Variants in PTGFR observed in about 807,000 individuals in gnomAD.
PTGFR encodes prostaglandin F receptor.
A neutral mutation model predicts 26.2 loss-of-function variants in PTGFR; 15 were observed. That is an observed-to-expected ratio of 0.57 (90% CI 0.38 to 0.88). The LOEUF (loss-of-function observed/expected upper bound fraction) is 0.88. PTGFR is among the 40% of genes least tolerant of loss of function. The probability of loss-of-function intolerance (pLI) is 0.00; values close to 1 mark genes in which losing one functional copy is unlikely to be tolerated. For synonymous variants in PTGFR, 165 were observed against 151.1 expected (o/e 1.09, Z -0.68); for missense variants, 369 against 427.2 (o/e 0.86, Z 1.20).
rs1650696685 is a variant in PTGFR, at chr1:78,537,857, A to G, written c.*1170A>G. On this transcript the variant is annotated 3_prime_UTR_variant, in exon 3 of 3. Coordinates refer to ENST00000370757, the MANE Select transcript of PTGFR (RefSeq NM_000959.4). Reference sequence around the variant, plus strand: ...TAATCTCTCCCCAAATTTTCCAATAATAATTGAGACTTTTTCTTTGCTTGT... The same window carrying G: ...TAATCTCTCCCCAAATTTTCCAATAGTAATTGAGACTTTTTCTTTGCTTGT... 1 of 152,132 alleles carries G rather than the reference A, an allele frequency of 6.6e-6. No individual in the cohort carries two copies. Among genetic ancestry groups the G allele is most frequent in the Non-Finnish European group, 1.5e-5 (1 of 68,006 alleles). The allele number at this position is 152,132 out of a possible 1,614,324, so 9.4% of individuals were successfully genotyped here. A position where few individuals can be genotyped will look rare whatever the true frequency, so the allele number is the denominator to read the frequency against.
chr1:78,527,601 C>G (rs553163050), intron 2 of PTGFR, among the ~76,000 whole-genome samples: 1 of 152,118 alleles, frequency 6.6e-6, no homozygotes, highest in Non-Finnish European at 1.5e-5. Flanking sequence ...CACATTAAAT[C>G]TGTCTTCTGT....
chr1:78,497,822 C>G (rs770560312), intron 2 of PTGFR: 2 of 1,255,334 alleles, frequency 1.6e-6, no homozygotes, highest in African/African-American at 3.0e-5. Context: ...CGCTATTAAA[C>G]TTCAGCTGTC....
intron 2 of PTGFR, among the ~76,000 whole-genome samples, chr1:78,500,331 A>G (rs1235712564): frequency 6.6e-6 from 1 of 152,228 alleles, no homozygotes; most frequent in Non-Finnish European, 1.5e-5. Context: ...AAAAAATCCG[A>G]CAGACCTTTT....
Position 78,493,180 on chromosome 1 carries a change from A to G in PTGFR, c.437A>G (p.Lys146Arg), listed in dbSNP as rs1216992893. The G allele has an allele frequency of 6.2e-7, 1 of 1,614,190 alleles. No individual in the cohort carries two copies. Among genetic ancestry groups the G allele is most frequent in the Admixed American group, 1.7e-5 (1 of 60,024 alleles). Residue 146 changes from lysine (K) to arginine (R), a missense_variant, in exon 2 of 3, where the codon AAA becomes AGA. Transcript: ENST00000370757. ...GVTKPIFHST[K>R]ITSKHVKMML... ...ACAAAACCAATATTTCATTCTACGA[A>G]AATTACATCCAAACATGTGAAAATG...
At chr1:78,501,561 C>A (rs1264658888) in intron 2 of PTGFR, among the ~76,000 whole-genome samples, 1 of 152,126 alleles carries the variant, frequency 6.6e-6, no homozygotes. Context: ...TCTCACTCCT[C>A]CTCAGCTATT....
chr1:78,520,250 A>G (rs1342139519), intron 2 of PTGFR, among the ~76,000 whole-genome samples: 2 of 152,132 alleles, frequency 1.3e-5, no homozygotes, highest in East Asian at 1.9e-4. Flanking sequence ...TTACTCGAAT[A>G]CAAATATATA....
intron 2 of PTGFR, among the ~76,000 whole-genome samples, chr1:78,521,348 T>C (rs1191960060): frequency 6.6e-6 from 1 of 152,174 alleles, no homozygotes; most frequent in Non-Finnish European, 1.5e-5. Flanking sequence ...CTTGTTCATC[T>C]GGTACATACG....
At chr1:78,523,340 T>C (rs1650292328) in intron 2 of PTGFR, among the ~76,000 whole-genome samples, 1 of 152,128 alleles carries the variant, frequency 6.6e-6, no homozygotes, top group African/African-American at 2.4e-5. Flanking sequence ...TTCCTCTTAG[T>C]CCCAGAAATC....
At chr1:78,503,304 G>A (rs957651395) in intron 2 of PTGFR, among the ~76,000 whole-genome samples, 1 of 152,026 alleles carries the variant, frequency 6.6e-6, no homozygotes, top group African/African-American at 2.4e-5. Flanking sequence ...ACCGACTCAG[G>A]ATGTAGAAGA....
At chr1:78,514,519 A>G (rs941856679) in intron 2 of PTGFR, among the ~76,000 whole-genome samples, 17 of 152,246 alleles carry the variant, frequency 1.1e-4, no homozygotes, top group African/African-American at 4.1e-4. Flanking sequence ...CTTTTATTTC[A>G]TAATTTTATA....
At position 78,538,243 on chromosome 1, in the gene PTGFR, T is replaced by A. The variant is rs1368544499; in HGVS notation, c.*1556T>A. 1 of 152,068 alleles carries A rather than the reference T, an allele frequency of 6.6e-6. No homozygotes were observed. 9.4% of individuals were successfully genotyped at this position (152,068 alleles called of 1,614,324 possible). A position where few individuals can be genotyped will look rare whatever the true frequency, so the allele number is the denominator to read the frequency against. On this transcript the variant is annotated 3_prime_UTR_variant, in exon 3 of 3. Coordinates refer to ENST00000370757, the MANE Select transcript of PTGFR (RefSeq NM_000959.4). ...ATGCTTCTATGAATATTTCCATGTATTTTGACTGGGGAGAGGCATGGAGAA... is the reference window on the plus strand; with the variant it reads ...ATGCTTCTATGAATATTTCCATGTAATTTGACTGGGGAGAGGCATGGAGAA...
At chr1:78,494,033 A>G (rs919291329) in intron 2 of PTGFR, among the ~76,000 whole-genome samples, 15 of 152,258 alleles carry the variant, frequency 9.9e-5, no homozygotes, top group Admixed American at 9.8e-4. Context: ...CTGCATGGAT[A>G]GTTCAAGTGA....
chr1:78,502,871 T>A (rs1420981131), intron 2 of PTGFR, among the ~76,000 whole-genome samples: 4 of 152,126 alleles, frequency 2.6e-5, no homozygotes, highest in African/African-American at 9.7e-5. Context: ...AGAGAAGAGA[T>A]ATGCAGGAAA....
chr1:78,502,041 G>A (rs1475985800), intron 2 of PTGFR, among the ~76,000 whole-genome samples: 1 of 152,164 alleles, frequency 6.6e-6, no homozygotes, highest in South Asian at 2.1e-4. Flanking sequence ...AGGATTGGTT[G>A]CAGTAGAAAG....
At chr1:78,511,380 G>A (rs924876583) in intron 2 of PTGFR, among the ~76,000 whole-genome samples, 4 of 152,202 alleles carry the variant, frequency 2.6e-5, no homozygotes, top group Admixed American at 6.5e-5. Flanking sequence ...GCACCTATAG[G>A]TTTAATACCA....
chr1:78,498,347 A>G (rs999355661), intron 2 of PTGFR, among the ~76,000 whole-genome samples: 1 of 152,174 alleles, frequency 6.6e-6, no homozygotes, highest in Admixed American at 6.5e-5. Flanking sequence ...TATATATTTT[A>G]AGTGAAGAGA....
rs1649436116 is a variant in PTGFR, at chr1:78,492,732, A to G, written c.-12A>G. The stretch of plus-strand genomic sequence containing the variant: ...GAGATGACTTGAGTGGTTGGCTTTT[A>G]TCTCCACAACAATGTCCATGAACAA... On this transcript the variant is annotated 5_prime_UTR_variant, in exon 2 of 3. Coordinates refer to ENST00000370757, the MANE Select transcript of PTGFR (RefSeq NM_000959.4). 6.3e-7 allele frequency: 1 copy of G among 1,597,416 alleles called. No homozygotes were observed. The highest frequency in any genetic ancestry group is 2.2e-5 in the East Asian group (1 of 44,778).
intron 2 of PTGFR, among the ~76,000 whole-genome samples, chr1:78,506,706 G>A (rs1326397058): frequency 2.6e-5 from 4 of 151,864 alleles, no homozygotes. Context: ...AAATATAATA[G>A]CATATTTGAA....
At chr1:78,517,271 T>C (rs1650111208) in intron 2 of PTGFR, among the ~76,000 whole-genome samples, 1 of 152,180 alleles carries the variant, frequency 6.6e-6, no homozygotes. Flanking sequence ...CTGTTCTAGA[T>C]GCTAGGACAG....
Sources: gnomAD v4.1 joint callset for allele counts (sites outside exome capture counted in the v4.1 genomes callset) on GRCh38, gnomAD v4.1.1 for gene constraint, MANE v1.5 for transcripts, NCBI Gene and HGNC (gene_info 2026-07-23, HGNC 2026-07-21) for gene names.